The following NEK7 variants were observed in gnomAD, a reference collection of about 807,000 sequenced individuals.
NEK7 encodes the protein NIMA related kinase 7.
A neutral mutation model predicts 44.6 loss-of-function variants in NEK7; 18 were observed. The ratio of observed to expected loss-of-function variants is 0.40; its 90% CI spans 0.28 to 0.60. The LOEUF is 0.60. Ranked by LOEUF, NEK7 falls within the 20% of genes least tolerant of loss-of-function variation. The probability of loss-of-function intolerance (pLI) is 0.38; values close to 1 mark genes in which losing one functional copy is unlikely to be tolerated. For synonymous variants in NEK7, 130 were observed against 121.1 expected, an observed-to-expected ratio of 1.07 and a Z score of -0.48; for missense variants, 256 against 366.5, an observed-to-expected ratio of 0.70 and a Z score of 2.46.
intron 2 of NEK7, among the ~76,000 whole-genome samples, chr1:198,239,813 G>T (rs534974195): frequency 1.4e-3 from 220 of 152,156 alleles, no homozygotes; most frequent in Non-Finnish European, 2.4e-3. Context: ...GCATTGTCAG[G>T]CAAGTTCTTT....
At chr1:198,176,916 T>C (rs909244718) in intron 1 of NEK7, among the ~76,000 whole-genome samples, 1 of 152,086 alleles carries the variant, frequency 6.6e-6, no homozygotes, top group Admixed American at 6.6e-5. Context: ...TTTAGGATAT[T>C]AGGCAGAAAG....
At chr1:198,243,670 G>A (rs1174819897) in intron 2 of NEK7, among the ~76,000 whole-genome samples, 2 of 152,028 alleles carry the variant, frequency 1.3e-5, no homozygotes, top group East Asian at 1.9e-4. Flanking sequence ...GCTTATATTT[G>A]GTCACTCATT....
chr1:198,221,551 A>G (rs1666078677), intron 1 of NEK7, among the ~76,000 whole-genome samples: 1 of 151,752 alleles, frequency 6.6e-6, no homozygotes, highest in South Asian at 2.1e-4. Context: ...AAACTTTTAT[A>G]TTACACGTTT....
intron 1 of NEK7, chr1:198,207,118 T>G (rs1201054444): frequency 6.6e-6 from 1 of 152,102 alleles, no homozygotes; most frequent in Non-Finnish European, 1.5e-5. Context: ...TTGACGAAAA[T>G]ACAAATTCAG....
intron 6 of NEK7, 51 bp from the exon 7 acceptor site, chr1:198,278,903 A>G (rs761773449): frequency 8.0e-6 from 8 of 999,192 alleles, no homozygotes; most frequent in Non-Finnish European, 1.2e-5. Context: ...ATTCCTTTAA[A>G]ATTTCTAAAA....
intron 2 of NEK7, among the ~76,000 whole-genome samples, chr1:198,233,411 T>A (rs1202918137): frequency 1.3e-5 from 2 of 152,180 alleles, no homozygotes; most frequent in African/African-American, 4.8e-5. Flanking sequence ...TGCCACCCCA[T>A]GTCAGGGCAA....
chr1:198,204,942 C>T (rs1481344123), intron 1 of NEK7, among the ~76,000 whole-genome samples: 1 of 152,094 alleles, frequency 6.6e-6, no homozygotes, highest in African/African-American at 2.4e-5. Context: ...AATTTTCCTT[C>T]TTCTTTTAAA....
At chr1:198,279,916 G>GTT (rs1654142825) in intron 7 of NEK7, among the ~76,000 whole-genome samples, 2 of 151,950 alleles carry the variant, frequency 1.3e-5, no homozygotes, top group Non-Finnish European at 2.9e-5. Context: ...TAAAACGTAA[G>GTT]TAGGTACTCA....
intron 1 of NEK7, among the ~76,000 whole-genome samples, chr1:198,182,562 A>T (rs1195743478): frequency 6.6e-6 from 1 of 152,172 alleles, no homozygotes; most frequent in African/African-American, 2.4e-5. Context: ...TTCTACATGT[A>T]TGAAAAGTAA....
chr1:198,212,995 AG>A (rs140678729), intron 1 of NEK7, among the ~76,000 whole-genome samples: 4 of 152,310 alleles, frequency 2.6e-5, no homozygotes, highest in South Asian at 2.1e-4. Context: ...CAACACACTA[AG>A]GCTCTTTCTA....
At chr1:198,181,111 A>G (rs1278463322) in intron 1 of NEK7, among the ~76,000 whole-genome samples, 5 of 152,128 alleles carry the variant, frequency 3.3e-5, no homozygotes, top group Non-Finnish European at 7.4e-5. Flanking sequence ...CTCTTAGACC[A>G]TAGTATCATC....
chr1:198,311,145 G>T (rs996907108), intron 9 of NEK7, among the ~76,000 whole-genome samples: 3 of 147,898 alleles, frequency 2.0e-5, no homozygotes, highest in Non-Finnish European at 4.5e-5. Flanking sequence ...CCTTGAAGAG[G>T]TCCTTCACAT....
chr1:198,299,194 G>A (rs1330966078), intron 9 of NEK7, among the ~76,000 whole-genome samples: 1 of 152,220 alleles, frequency 6.6e-6, no homozygotes, highest in African/African-American at 2.4e-5. Context: ...CTAGGTAAAT[G>A]TGGAAAATAA....
At chr1:198,199,893 G>C (rs930796241) in intron 1 of NEK7, among the ~76,000 whole-genome samples, 2 of 151,514 alleles carry the variant, frequency 1.3e-5, no homozygotes, top group Non-Finnish European at 1.5e-5. Flanking sequence ...TTTTCAATTC[G>C]AGCTTTTTGT....
At chr1:198,306,984 A>G (rs1035355962) in intron 9 of NEK7, among the ~76,000 whole-genome samples, 8 of 152,132 alleles carry the variant, frequency 5.3e-5, no homozygotes, top group Admixed American at 6.5e-5. Flanking sequence ...TATTTGAGAT[A>G]ATTTATTGCA....
chr1:198,271,918 T>C (rs1372309199), intron 5 of NEK7, among the ~76,000 whole-genome samples: 122 of 139,170 alleles, frequency 8.8e-4, no homozygotes, highest in Non-Finnish European at 8.9e-4. Flanking sequence ...TATATATATA[T>C]ATATATACAC....
intron 1 of NEK7, among the ~76,000 whole-genome samples, chr1:198,204,581 A>T (rs554785564): frequency 5.9e-5 from 9 of 151,722 alleles, no homozygotes; most frequent in Admixed American, 1.3e-4. Context: ...TAGCCGGGCA[A>T]GGTGGTGGGC....
intron 1 of NEK7, among the ~76,000 whole-genome samples, chr1:198,198,686 C>A (rs554986641): frequency 1.6e-4 from 25 of 152,320 alleles, no homozygotes; most frequent in African/African-American, 6.0e-4. Flanking sequence ...GCTCTTTCTG[C>A]TTTCTAACTG....
chr1:198,252,568 A>AT (rs1491101432), intron 2 of NEK7, among the ~76,000 whole-genome samples: 2,681 of 62,904 alleles, frequency 0.043, 105 homozygotes, highest in East Asian at 0.07. Context: ...ATATATATAT[A>AT]AAAAGTACAT....
Sources: allele counts gnomAD v4.1 joint callset (sites outside exome capture counted in the v4.1 genomes callset), GRCh38; gene constraint gnomAD v4.1.1; transcripts MANE v1.5; gene names NCBI Gene and HGNC (gene_info 2026-07-23, HGNC 2026-07-21).